Variants in ROCK1 observed in about 807,000 individuals in gnomAD.
ROCK1 encodes rho-associated protein kinase 1.
Under a neutral mutation model 196.8 loss-of-function variants are expected in ROCK1, and 36 were observed. The ratio of observed to expected loss-of-function variants is 0.18; its 90% CI spans 0.14 to 0.24. The LOEUF (loss-of-function observed/expected upper bound fraction) is 0.24. Ranked by LOEUF, ROCK1 falls within the 10% of genes least tolerant of loss-of-function variation. The pLI, the probability that ROCK1 is intolerant of heterozygous loss-of-function variation, is 1.00. For synonymous variants in ROCK1, 443 were observed against 515.9 expected (o/e 0.86, Z 1.91); for missense variants, 920 against 1,562.0 (o/e 0.59, Z 6.93).
intron 18 of ROCK1, among the ~76,000 whole-genome samples, chr18:20,987,436 G>A (rs868025155): frequency 6.6e-6 from 1 of 152,124 alleles, no homozygotes. Flanking sequence ...AAAGAACAAT[G>A]AACATACATC....
At chr18:21,102,223 T>A (rs767292373) in intron 1 of ROCK1, among the ~76,000 whole-genome samples, 1 of 152,170 alleles carries the variant, frequency 6.6e-6, no homozygotes, top group Admixed American at 6.5e-5. Context: ...GATCCCAGAT[T>A]CCATTTTTAA....
At chr18:21,076,231 A>C (rs1488303649) in intron 1 of ROCK1, among the ~76,000 whole-genome samples, 1 of 152,050 alleles carries the variant, frequency 6.6e-6, no homozygotes, top group Non-Finnish European at 1.5e-5. Context: ...TAAATGGGCT[A>C]GGTGGCTCAT....
chr18:21,049,933 CA>C, intron 2 of ROCK1, 53 bp from the exon 3 acceptor site: 2 of 885,960 alleles, frequency 2.3e-6, no homozygotes, highest in South Asian at 3.4e-5. Flanking sequence ...TTACAACTAG[CA>C]CTACTTATTT....
At chr18:21,091,050 AT>A (rs5823294) in intron 1 of ROCK1, among the ~76,000 whole-genome samples, 1 of 148,934 alleles carries the variant, frequency 6.7e-6, no homozygotes, top group African/African-American at 2.5e-5. Context: ...TTATATGTGG[AT>A]TTTTTTTTTC....
At chr18:21,017,091 T>C (rs1409533614) in intron 12 of ROCK1, among the ~76,000 whole-genome samples, 1 of 151,910 alleles carries the variant, frequency 6.6e-6, no homozygotes, top group Non-Finnish European at 1.5e-5. Context: ...TTTAGCTTTC[T>C]CTGATCTCTG....
At chr18:20,975,116 A>G (rs1417459823) in intron 22 of ROCK1, among the ~76,000 whole-genome samples, 1 of 152,268 alleles carries the variant, frequency 6.6e-6, no homozygotes, top group Non-Finnish European at 1.5e-5. Flanking sequence ...CGGAAAAACA[A>G]AAACAATAAA....
intron 14 of ROCK1, among the ~76,000 whole-genome samples, chr18:21,007,700 C>G (rs890705038): frequency 6.6e-6 from 1 of 152,002 alleles, no homozygotes; most frequent in Non-Finnish European, 1.5e-5. Flanking sequence ...GTTAGAAGTA[C>G]CTAGGGGGCT....
intron 32 of ROCK1, among the ~76,000 whole-genome samples, chr18:20,952,719 G>A (rs1265848029): frequency 1.3e-5 from 2 of 151,438 alleles, no homozygotes; most frequent in East Asian, 2.0e-4. Flanking sequence ...AGGTTGCAGT[G>A]AGCTGAGATA....
Position 21,039,538 on chromosome 18 carries a change from C to A in ROCK1, c.985G>T (p.Val329Leu), listed in dbSNP as rs765005408. Residue 329 changes from valine to leucine, a missense_variant, in exon 9 of 33, where the codon GTA (valine) becomes TTA (leucine). Coordinates refer to ENST00000399799, the MANE Select transcript of ROCK1 (RefSeq NM_005406.3). ...DREVRLGRNG[V>L]EEIKRHLFFK... is the part of the protein sequence containing the mutation. The stretch of plus-strand genomic sequence containing the variant: ...AAGAGATGTCGTTTGATTTCTTCTA[C>A]ACCATTTCGCCCTAACCTCACTTCC... The A allele has an allele frequency of 6.2e-7, 1 of 1,613,708 alleles. No individual in the cohort carries two copies. Among genetic ancestry groups the A allele is most frequent in the East Asian group, 2.2e-5 (1 of 44,838 alleles).
At chr18:21,098,780 C>A (rs2036633063) in intron 1 of ROCK1, among the ~76,000 whole-genome samples, 1 of 151,630 alleles carries the variant, frequency 6.6e-6, no homozygotes, top group South Asian at 2.1e-4. Flanking sequence ...TTCAAATAGC[C>A]CTTAAAATAT....
intron 22 of ROCK1, among the ~76,000 whole-genome samples, 159 bp from the exon 23 acceptor site, chr18:20,970,672 T>C (rs972262127): frequency 1.3e-5 from 2 of 152,232 alleles, no homozygotes; most frequent in African/African-American, 4.8e-5. Context: ...ATAAAAGTAA[T>C]GAATTTAACC....
At chr18:20,965,849 C>T (rs1420567701) in intron 27 of ROCK1, among the ~76,000 whole-genome samples, 2 of 152,146 alleles carry the variant, frequency 1.3e-5, no homozygotes, top group African/African-American at 2.4e-5. Flanking sequence ...AGCAAAGCCA[C>T]ACAAGAATGA....
At chr18:21,015,598 T>C (rs1598528786) in intron 12 of ROCK1, 119 bp from the exon 13 acceptor site, 1 of 680,514 alleles carries the variant, frequency 1.5e-6, no homozygotes, top group East Asian at 2.8e-5. Flanking sequence ...CTTGGTGCCA[T>C]GGATCTCTTT....
At chr18:21,049,045 T>C in intron 4 of ROCK1, 47 bp downstream of exon 4, 2 of 1,446,264 alleles carry the variant, frequency 1.4e-6, no homozygotes, top group South Asian at 1.6e-5. Flanking sequence ...CAGACATGTT[T>C]AGTTACAAAC....
At chr18:20,956,700 C>T (rs2035245427) in intron 29 of ROCK1, among the ~76,000 whole-genome samples, 1 of 152,114 alleles carries the variant, frequency 6.6e-6, no homozygotes, top group African/African-American at 2.4e-5. Context: ...AAAATTGGTA[C>T]ACTGATCCTC....
chr18:20,951,205 C>A lies in ROCK1; in HGVS notation c.*179G>T. Reference sequence around the variant, plus strand: ...TAATCTAATCTACCTGTAGGCAAACCCGCAATAAAAAAAACCCTCAGTGTG... The same window carrying A: ...TAATCTAATCTACCTGTAGGCAAACACGCAATAAAAAAAACCCTCAGTGTG... On this transcript the variant is annotated 3_prime_UTR_variant, in exon 33 of 33. Transcript: ENST00000399799. 8.5e-6 allele frequency: 4 copies of A among 470,212 alleles called. No individual in the cohort carries two copies. 29.1% of individuals were successfully genotyped at this position (470,212 alleles called of 1,614,324 possible). A position where few individuals can be genotyped will look rare whatever the true frequency, so the allele number is the denominator to read the frequency against.
intron 1 of ROCK1, among the ~76,000 whole-genome samples, chr18:21,091,560 G>T (rs2036570278): frequency 6.6e-6 from 1 of 152,152 alleles, no homozygotes; most frequent in South Asian, 2.1e-4. Flanking sequence ...TCAAGATCAT[G>T]CCACTGCACT....
intron 22 of ROCK1, among the ~76,000 whole-genome samples, chr18:20,973,720 CAAG>C (rs896432576): frequency 3.3e-5 from 5 of 151,962 alleles, no homozygotes; most frequent in Non-Finnish European, 5.9e-5. Context: ...CTATTCTCAC[CAAG>C]ATAATGAGTA....
intron 2 of ROCK1, among the ~76,000 whole-genome samples, chr18:21,058,279 A>C (rs1392024756): frequency 6.6e-6 from 1 of 152,138 alleles, no homozygotes; most frequent in Non-Finnish European, 1.5e-5. Context: ...TTTTCTAATG[A>C]AAAAAACAAA....
Sources: gnomAD v4.1 joint callset for allele counts (sites outside exome capture counted in the v4.1 genomes callset) on GRCh38, gnomAD v4.1.1 for gene constraint, MANE v1.5 for transcripts, NCBI Gene and HGNC (gene_info 2026-07-23, HGNC 2026-07-21) for gene names.